Variants in FAT3 observed in about 807,000 individuals in gnomAD.
The protein encoded by FAT3 is protocadherin Fat 3.
In FAT3, 95 loss-of-function variants were observed where a neutral mutation model predicts 310.2. That is an observed-to-expected ratio of 0.31 (90% CI 0.26 to 0.36). The LOEUF is 0.36. Ranked by LOEUF, FAT3 falls within the 10% of genes least tolerant of loss-of-function variation. The pLI is 1.00. For missense variants in FAT3, 5,408 were observed against 5,715.6 expected (o/e 0.95, Z 1.74); for synonymous variants, 2,314 against 2,192.9 (o/e 1.06, Z -1.54).
At position 92,761,900 on chromosome 11, in the gene FAT3, T is replaced by C. The variant is rs1459242165; in HGVS notation, c.3714T>C (p.Ile1238=). Residue 1238 remains isoleucine, a synonymous_variant, in exon 5 of 28, where the codon ATT becomes ATC. Coordinates refer to ENST00000525166, the MANE Select transcript of FAT3 (RefSeq NM_001367949.2). ...GTCCCTCTCCAAAACAGTCAACCAT[T>C]TGGGTGGTGGTTCAGGTTCTAGATG... ...DGGPSPKQST[I]WVVVQVLDEN... The C allele has an allele frequency of 6.2e-7, 1 of 1,613,936 alleles. No homozygotes were observed. The highest frequency in any genetic ancestry group is 1.3e-5 in the African/African-American group (1 of 75,022).
At position 92,891,056 on chromosome 11, in the gene FAT3, C is replaced by T. The variant is rs2136450394; in HGVS notation, c.13713C>T (p.Leu4571=). ...GTGACTACGAGAGCGTGGGAGAGCTCAGCCTCGCCAGCCTTCACATTCCCT... is the reference window on the plus strand; with the variant it reads ...GTGACTACGAGAGCGTGGGAGAGCTTAGCCTCGCCAGCCTTCACATTCCCT... ...AMSDYESVGE[L]SLASLHIPFV... The change falls in exon 28 of 28, where the codon CTC becomes CTT. Residue 4571 remains leucine, a synonymous_variant. Coordinates refer to ENST00000525166, the MANE Select transcript of FAT3 (RefSeq NM_001367949.2). 1 of 1,613,788 alleles carries T rather than the reference C, an allele frequency of 6.2e-7. No homozygotes were observed. The highest frequency in any genetic ancestry group is 1.3e-5 in the African/African-American group (1 of 75,044).
chr11:92,225,634 G>T (rs2134211500), intron 1 of FAT3, among the ~76,000 whole-genome samples: 1 of 152,252 alleles, frequency 6.6e-6, no homozygotes, highest in Non-Finnish European at 1.5e-5. Context: ...AGGGGACCCC[G>T]AGGTGCAAGT....
chr11:92,520,494 T>A (rs1953645505), intron 2 of FAT3, among the ~76,000 whole-genome samples: 1 of 152,080 alleles, frequency 6.6e-6, no homozygotes, highest in Non-Finnish European at 1.5e-5. Context: ...ATACCTCAAT[T>A]TTTAAAAAAA....
intron 3 of FAT3, among the ~76,000 whole-genome samples, chr11:92,561,274 TGTGTGTGTGTGTG>T (rs1425529824): frequency 7.5e-6 from 1 of 132,564 alleles, no homozygotes; most frequent in Non-Finnish European, 1.6e-5. Flanking sequence ...TGTGTGTGTG[TGTGTGTGTGTGTG>T]TGTTTACCCA....
chr11:92,764,315 T>A (rs1438988317), intron 5 of FAT3, among the ~76,000 whole-genome samples: 2 of 152,134 alleles, frequency 1.3e-5, no homozygotes, highest in Non-Finnish European at 2.9e-5. Flanking sequence ...GGCTGCTCCC[T>A]TTCCCAGCCC....
intron 3 of FAT3, among the ~76,000 whole-genome samples, chr11:92,557,644 A>T (rs1455594521): frequency 2.6e-5 from 4 of 152,218 alleles, no homozygotes; most frequent in East Asian, 1.9e-4. Context: ...GAATCCAGCC[A>T]TGCTGCAGGT....
At chr11:92,281,027 T>C (rs761477336) in intron 1 of FAT3, among the ~76,000 whole-genome samples, 17 of 152,190 alleles carry the variant, frequency 1.1e-4, no homozygotes, top group South Asian at 8.3e-4. Context: ...CTACTTATAA[T>C]AGCAAAAAAT....
chr11:92,606,477 C>T (rs1940304772), intron 3 of FAT3, among the ~76,000 whole-genome samples: 2 of 152,150 alleles, frequency 1.3e-5, no homozygotes, highest in African/African-American at 2.4e-5. Context: ...GAGAGGTGGG[C>T]TGCTTTGGGG....
At chr11:92,513,680 C>G (rs1468269540) in intron 2 of FAT3, among the ~76,000 whole-genome samples, 1 of 152,148 alleles carries the variant, frequency 6.6e-6, no homozygotes, top group Non-Finnish European at 1.5e-5. Context: ...TGAGAATTTA[C>G]ATTTTCAATA....
chr11:92,250,173 GA>G (rs1865080789), intron 1 of FAT3, among the ~76,000 whole-genome samples: 1 of 152,004 alleles, frequency 6.6e-6, no homozygotes, highest in Non-Finnish European at 1.5e-5. Flanking sequence ...TTACAGATAC[GA>G]AGTGGTACAT....
intron 1 of FAT3, among the ~76,000 whole-genome samples, chr11:92,316,702 T>C (rs1034649032): frequency 2.0e-5 from 3 of 152,128 alleles, no homozygotes; most frequent in Admixed American, 1.3e-4. Flanking sequence ...GAAAAAAAAA[T>C]GATTAAATCA....
In FAT3 at chr11:92,538,082, A is replaced by G. The variant is rs140433383; in HGVS notation, c.3607+13134A>G. On this transcript the variant is annotated intron_variant, in intron 3 of 27. Coordinates refer to ENST00000525166, the MANE Select transcript of FAT3 (RefSeq NM_001367949.2). Reference sequence around the variant, plus strand: ...TAAAATGTCATGATCTCCAGCATGTATGTGAATTAAGCCCTGTCTCTCTTT... The same window carrying G: ...TAAAATGTCATGATCTCCAGCATGTGTGTGAATTAAGCCCTGTCTCTCTTT... Among the ~76,000 whole-genome samples the G allele has an allele frequency of 3.9e-3, 589 of 152,276 alleles. 13 individuals are homozygous for G. The highest frequency in any genetic ancestry group is 3.4e-3 in the Non-Finnish European group (230 of 68,016).
chr11:92,562,627 A>G (rs1449471927), intron 3 of FAT3, among the ~76,000 whole-genome samples: 1 of 152,194 alleles, frequency 6.6e-6, no homozygotes, highest in Non-Finnish European at 1.5e-5. Flanking sequence ...AAACCAGGAA[A>G]GCTGATGGTG....
At chr11:92,378,999 A>G (rs1565271562) in intron 2 of FAT3, among the ~76,000 whole-genome samples, 1 of 152,178 alleles carries the variant, frequency 6.6e-6, no homozygotes, top group Non-Finnish European at 1.5e-5. Context: ...TACGAATTCA[A>G]CATAGGAAAT....
intron 1 of FAT3, among the ~76,000 whole-genome samples, chr11:92,317,752 G>T (rs1282343359): frequency 6.6e-6 from 1 of 152,136 alleles, no homozygotes; most frequent in Non-Finnish European, 1.5e-5. Context: ...AAGAGTTCTG[G>T]CCAGGATCAA....
At position 92,851,747 on chromosome 11, in the gene FAT3, C is replaced by T. The variant is rs540293896; in HGVS notation, c.11366-5467C>T. ...ATGCAGAGCATGTCAGCCTATGAGCCCACATCCCCCAAGCTGTCACCAAAC... is the reference window on the plus strand; with the variant it reads ...ATGCAGAGCATGTCAGCCTATGAGCTCACATCCCCCAAGCTGTCACCAAAC... On this transcript the variant is annotated intron_variant, in intron 19 of 27. Coordinates refer to ENST00000525166, the MANE Select transcript of FAT3 (RefSeq NM_001367949.2). Among the ~76,000 whole-genome samples the T allele has an allele frequency of 1.1e-4, 16 of 150,900 alleles. No homozygotes were observed. The South Asian group carries it at 2.8e-3, about 26-fold the overall frequency.
At chr11:92,821,359 G>A (rs1427900874) in intron 13 of FAT3, among the ~76,000 whole-genome samples, 1 of 152,126 alleles carries the variant, frequency 6.6e-6, no homozygotes, top group Admixed American at 6.5e-5. Flanking sequence ...ATTTCAGCCT[G>A]TTTTCTCTTA....
At chr11:92,618,105 C>T (rs1702933661) in intron 3 of FAT3, among the ~76,000 whole-genome samples, 1 of 152,210 alleles carries the variant, frequency 6.6e-6, no homozygotes, top group South Asian at 2.1e-4. Context: ...AGCAGGCAGG[C>T]CTCCATGAGC....
At chr11:92,771,702 T>C (rs1387986948) in intron 6 of FAT3, among the ~76,000 whole-genome samples, 2 of 150,332 alleles carry the variant, frequency 1.3e-5, no homozygotes, top group African/African-American at 2.5e-5. Flanking sequence ...GAGGGAGATA[T>C]ACACATACAC....
Sources: gnomAD v4.1 joint callset for allele counts (sites outside exome capture counted in the v4.1 genomes callset) on GRCh38, gnomAD v4.1.1 for gene constraint, MANE v1.5 for transcripts, NCBI Gene and HGNC (gene_info 2026-07-23, HGNC 2026-07-21) for gene names.